Variants in TPTE2 observed in about 807,000 individuals in gnomAD.
TPTE2 encodes transmembrane phosphoinositide 3-phosphatase and tensin homolog 2, also known as phosphatidylinositol 3,4,5-trisphosphate 3-phosphatase TPTE2.
TPTE2 carries 53 observed loss-of-function variants against 78.6 expected under a neutral mutation model. That is an observed-to-expected ratio of 0.67 (90% confidence interval 0.54 to 0.85). TPTE2 has a LOEUF of 0.85. Among genes scored for constraint, TPTE2 ranks in the 40% least tolerant of loss-of-function variants. The pLI, the probability that TPTE2 is intolerant of heterozygous loss-of-function variation, is 0.00. For synonymous variants in TPTE2, 175 were observed against 206.2 expected, an observed-to-expected ratio of 0.85 and a Z score of 1.30; for missense variants, 461 against 623.0, an observed-to-expected ratio of 0.74 and a Z score of 2.77.
At chr13:19,527,748 G>T (rs560503513) in intron 1 of TPTE2, among the ~76,000 whole-genome samples, 37 of 152,250 alleles carry the variant, frequency 2.4e-4, no homozygotes, top group Admixed American at 1.4e-3. Flanking sequence ...CACCCCTGTG[G>T]TCCCAGCTAC....
intron 4 of TPTE2, among the ~76,000 whole-genome samples, chr13:19,481,838 C>T (rs957434063): frequency 6.6e-6 from 1 of 152,136 alleles, no homozygotes; most frequent in Non-Finnish European, 1.5e-5. Context: ...GGCAGTACTT[C>T]CTCTCCAGCA....
chr13:19,542,414 T>C, the TPTE2 span, among the ~76,000 whole-genome samples: 6 of 152,204 alleles, frequency 3.9e-5, no homozygotes, highest in Non-Finnish European at 7.4e-5. Context: ...AAAATAAATC[T>C]GGACAGAAAT....
At chr13:19,537,618 T>A (rs2451096), upstream of TPTE2, among the ~76,000 whole-genome samples, 5,693 of 151,330 alleles carry the variant, frequency 0.038, 377 homozygotes, top group African/African-American at 0.13. Context: ...TTGTTTTTTT[T>A]TTGAGCCAGA....
At chr13:19,558,627 T>C in the TPTE2 span, among the ~76,000 whole-genome samples, 2 of 152,220 alleles carry the variant, frequency 1.3e-5, no homozygotes, top group Non-Finnish European at 2.9e-5. Flanking sequence ...ACATTTCATG[T>C]TTAGGTGCAA....
chr13:19,449,280 T>G (rs764512668), intron 13 of TPTE2, among the ~76,000 whole-genome samples: 14 of 152,178 alleles, frequency 9.2e-5, no homozygotes, highest in Non-Finnish European at 1.5e-4. Context: ...TTCAAGCGAT[T>G]CTTCTGCCTC....
chr13:19,555,803 C>CTTTTTTTTTT, the TPTE2 span, among the ~76,000 whole-genome samples: 11 of 81,058 alleles, frequency 1.4e-4, no homozygotes, highest in African/African-American at 5.1e-4. Context: ...CAACAAATTT[C>CTTTTTTTTTT]TTTTTTTTTT....
rs76156903 is a variant in TPTE2 at position 19,492,618 on chromosome 13, T to A, written c.119+232A>T. Among the ~76,000 whole-genome samples, 181 of 152,276 alleles carry A rather than the reference T, an allele frequency of 1.2e-3. 1 individual carries two copies. The highest frequency in any genetic ancestry group is 1.1e-3 in the Non-Finnish European group (78 of 68,030). On this transcript the variant is annotated intron_variant, in intron 3 of 19. Transcript: ENST00000400230. The stretch of plus-strand genomic sequence containing the variant: ...GCTACAATGAGAAGAATTGGAAACC[T>A]TGTTAAAAAATACTCTGTATGGCCA...
At chr13:19,522,403 T>C (rs572459002) in intron 1 of TPTE2, among the ~76,000 whole-genome samples, 1 of 152,134 alleles carries the variant, frequency 6.6e-6, no homozygotes, top group South Asian at 2.1e-4. Context: ...ACTCACAAAA[T>C]TGTGAAGAAG....
upstream of TPTE2, among the ~76,000 whole-genome samples, chr13:19,507,305 A>T (rs796677674): frequency 0.047 from 70 of 1,492 alleles, no homozygotes; most frequent in Admixed American, 0.12. Flanking sequence ...TAGCTGTTCT[A>T]AAAAAAAAAA....
chr13:19,499,890 G>A (rs1187788510), intron 1 of TPTE2, among the ~76,000 whole-genome samples: 1 of 149,706 alleles, frequency 6.7e-6, no homozygotes, highest in Non-Finnish European at 1.5e-5. Flanking sequence ...CAACAAAATT[G>A]ATAGACCACT....
chr13:19,426,947 T>C (rs1035150990), intron 17 of TPTE2, among the ~76,000 whole-genome samples: 1 of 152,120 alleles, frequency 6.6e-6, no homozygotes, highest in Non-Finnish European at 1.5e-5. Flanking sequence ...TCAAGTGATC[T>C]GCCCGCCTGG....
At chr13:19,512,303 T>C (rs371173850) in intron 1 of TPTE2, among the ~76,000 whole-genome samples, 3 of 152,364 alleles carry the variant, frequency 2.0e-5, no homozygotes, top group African/African-American at 7.2e-5. Flanking sequence ...GCTGAGATTT[T>C]AGAGTGAATA....
chr13:19,433,274 T>C (rs1464738091), intron 15 of TPTE2, among the ~76,000 whole-genome samples: 3 of 151,976 alleles, frequency 2.0e-5, no homozygotes, highest in Non-Finnish European at 4.4e-5. Context: ...GAGGCCGAGG[T>C]GGGCAGATCA....
At chr13:19,460,969 A>G (rs1256869850) in intron 10 of TPTE2, among the ~76,000 whole-genome samples, 1 of 152,222 alleles carries the variant, frequency 6.6e-6, no homozygotes, top group East Asian at 1.9e-4. Flanking sequence ...TCCCTATGGT[A>G]GACTATCAAA....
chr13:19,560,810 AC>A, the TPTE2 span: 1 of 1,503,060 alleles, frequency 6.7e-7, no homozygotes, highest in Admixed American at 1.9e-5. Context: ...ACTCCCGCCC[AC>A]CCCGGACGCG....
At chr13:19,524,500 G>A (rs1870378354) in intron 1 of TPTE2, among the ~76,000 whole-genome samples, 1 of 152,096 alleles carries the variant, frequency 6.6e-6, no homozygotes, top group African/African-American at 2.4e-5. Flanking sequence ...ATACAAATAT[G>A]AGCTATTTCT....
chr13:19,542,094 G>C, the TPTE2 span, among the ~76,000 whole-genome samples: 1 of 152,100 alleles, frequency 6.6e-6, no homozygotes, highest in South Asian at 2.1e-4. Context: ...CCATGAAATT[G>C]TTCATAATAG....
intron 19 of TPTE2, among the ~76,000 whole-genome samples, chr13:19,424,445 C>T (rs900418880): frequency 3.3e-5 from 5 of 152,204 alleles, no homozygotes; most frequent in Non-Finnish European, 4.4e-5. Flanking sequence ...TAGACTATTA[C>T]TTAATGATAT....
At chr13:19,516,373 A>T (rs768867906) in intron 1 of TPTE2, among the ~76,000 whole-genome samples, 10 of 152,222 alleles carry the variant, frequency 6.6e-5, no homozygotes, top group African/African-American at 2.4e-5. Context: ...TTCAGAGGCC[A>T]AAATCTTCTT....
Sources: gnomAD v4.1 joint callset for allele counts (sites outside exome capture counted in the v4.1 genomes callset) on GRCh38, gnomAD v4.1.1 for gene constraint, MANE v1.5 for transcripts, NCBI Gene and HGNC (gene_info 2026-07-23, HGNC 2026-07-21) for gene names.